MINDY3: variants seen among roughly 807,000 people sequenced by gnomAD.
MINDY3 encodes ubiquitin carboxyl-terminal hydrolase MINDY-3.
In MINDY3, 38 loss-of-function variants were observed where a neutral mutation model predicts 69.2. The ratio of observed to expected loss-of-function variants is 0.55; its 90% CI spans 0.42 to 0.72. The LOEUF (loss-of-function observed/expected upper bound fraction) is 0.72, where lower values mean the gene tolerates loss of function less well. Among genes scored for constraint, MINDY3 ranks in the 30% least tolerant of loss-of-function variants. The pLI, the probability that MINDY3 is intolerant of heterozygous loss-of-function variation, is 0.00. For missense variants in MINDY3, 522 were observed against 519.0 expected (o/e 1.01, Z -0.06); for synonymous variants, 192 against 180.1 (o/e 1.07, Z -0.53).
chr10:15,824,731 T>C (rs780010426), intron 8 of MINDY3, among the ~76,000 whole-genome samples: 5 of 152,312 alleles, frequency 3.3e-5, no homozygotes, highest in Admixed American at 1.3e-4. Flanking sequence ...TACAATTAGA[T>C]ACTACATCAT....
chr10:15,846,266 T>G (rs1290900468), intron 2 of MINDY3, among the ~76,000 whole-genome samples: 2 of 152,228 alleles, frequency 1.3e-5, no homozygotes, highest in African/African-American at 4.8e-5. Context: ...AGGAAACTCC[T>G]GTGGTATACC....
At chr10:15,838,999 C>T (rs114700410) in intron 4 of MINDY3, among the ~76,000 whole-genome samples, 2,221 of 151,676 alleles carry the variant, frequency 0.015, 59 homozygotes, top group African/African-American at 0.05. Flanking sequence ...ACAGAAAAAT[C>T]CTCTCAAGAG....
intron 14 of MINDY3, 32 bp from the exon 15 acceptor site, chr10:15,779,173 G>A: frequency 1.3e-6 from 2 of 1,598,600 alleles, no homozygotes; most frequent in South Asian, 2.3e-5. Context: ...CCAAGGTCAA[G>A]CAACAGTCTT....
chr10:15,819,235 CA>C (rs2131991185), intron 9 of MINDY3, among the ~76,000 whole-genome samples: 1 of 152,278 alleles, frequency 6.6e-6, no homozygotes, highest in South Asian at 2.1e-4. Flanking sequence ...AAAATTAACA[CA>C]AGCTCAATGA....
chr10:15,807,561 A>AT (rs1330048591), intron 10 of MINDY3, among the ~76,000 whole-genome samples: 1 of 152,024 alleles, frequency 6.6e-6, no homozygotes, highest in Non-Finnish European at 1.5e-5. Context: ...ACTGGCTATG[A>AT]TTTTTTTCTA....
chr10:15,837,465 T>A, intron 5 of MINDY3, 147 bp from the exon 6 acceptor site: 1 of 1,322,292 alleles, frequency 7.6e-7, no homozygotes, highest in Non-Finnish European at 1.0e-6. Flanking sequence ...TCATTACAAA[T>A]TTAGCCACTA....
At position 15,793,578 on chromosome 10, in the gene MINDY3, A is replaced by C. The variant is rs1837578858; in HGVS notation, c.955+2522T>G. Among the ~76,000 whole-genome samples, 3 of 152,138 alleles carry C rather than the reference A, an allele frequency of 2.0e-5. No individual in the cohort carries two copies. In the South Asian group the frequency reaches 6.2e-4, roughly 32 times the overall value. On this transcript the variant is annotated intron_variant, in intron 11 of 14. Coordinates refer to ENST00000277632, the MANE Select transcript of MINDY3 (RefSeq NM_024948.4). The stretch of plus-strand genomic sequence containing the variant: ...GTAAACTTAAATTTAGAAAGGTTAA[A>C]AAGTACCTTTTTATGACTTTAGCCT...
intron 8 of MINDY3, among the ~76,000 whole-genome samples, chr10:15,823,903 GT>G (rs1017940767): frequency 1.1e-4 from 16 of 152,090 alleles, no homozygotes; most frequent in Non-Finnish European, 1.9e-4. Context: ...GTGTGATTTT[GT>G]CTTTTTCTTC....
rs373459366 is a variant in MINDY3, at chr10:15,805,516, G to T, written c.883-9344C>A. ...ACTGTTCAATCACCTAGTGATACAAGGTAATCGATGGTGGTAGATAATATT... is the reference window on the plus strand; with the variant it reads ...ACTGTTCAATCACCTAGTGATACAATGTAATCGATGGTGGTAGATAATATT... On this transcript the variant is annotated intron_variant, in intron 10 of 14. Transcript: ENST00000277632. 7.2e-4 allele frequency among the ~76,000 whole-genome samples: 109 copies of T among 152,212 alleles called. 4 individuals are homozygous for T. The South Asian group carries it at 0.022, about 31-fold the overall frequency.
intron 12 of MINDY3, 60 bp downstream of exon 12, chr10:15,789,187 T>C (rs1434959417): frequency 1.5e-6 from 2 of 1,356,254 alleles, no homozygotes; most frequent in Admixed American, 1.7e-5. Flanking sequence ...ATGTACAATA[T>C]GTCTTAAACT....
chr10:15,784,261 A>G (rs1365427564), intron 13 of MINDY3, among the ~76,000 whole-genome samples: 1 of 152,160 alleles, frequency 6.6e-6, no homozygotes, highest in African/African-American at 2.4e-5. Context: ...TCTTATTTAA[A>G]CGAATGGTCT....
intron 1 of MINDY3, among the ~76,000 whole-genome samples, chr10:15,858,661 A>C (rs1834865087): frequency 6.6e-6 from 1 of 152,290 alleles, no homozygotes; most frequent in South Asian, 2.1e-4. Context: ...TCTATTCCAG[A>C]CTGTGCTCTT....
At chr10:15,790,378 T>C (rs1220021904) in intron 11 of MINDY3, among the ~76,000 whole-genome samples, 1 of 152,142 alleles carries the variant, frequency 6.6e-6, no homozygotes, top group African/African-American at 2.4e-5. Flanking sequence ...AAATGTGCAA[T>C]TTTTTAAGTG....
At chr10:15,829,593 AAGCATTAGC>A (rs1421028047) in intron 8 of MINDY3, among the ~76,000 whole-genome samples, 2 of 152,222 alleles carry the variant, frequency 1.3e-5, no homozygotes, top group Non-Finnish European at 2.9e-5. Context: ...TTTAGTTGGC[AAGCATTAGC>A]AAGAGAGTCA....
intron 10 of MINDY3, among the ~76,000 whole-genome samples, chr10:15,811,324 G>A (rs1838982610): frequency 1.3e-5 from 2 of 151,846 alleles, no homozygotes; most frequent in Admixed American, 6.6e-5. Flanking sequence ...ATATTTAATC[G>A]CTGAGACCTT....
intron 13 of MINDY3, among the ~76,000 whole-genome samples, chr10:15,783,314 A>G (rs1836697670): frequency 6.6e-6 from 1 of 152,144 alleles, no homozygotes; most frequent in Non-Finnish European, 1.5e-5. Flanking sequence ...GTGACCTGCA[A>G]TCATGAGTCT....
intron 2 of MINDY3, among the ~76,000 whole-genome samples, chr10:15,843,585 C>T (rs1233560204): frequency 1.3e-5 from 2 of 152,046 alleles, no homozygotes; most frequent in Non-Finnish European, 1.5e-5. Context: ...GCTCTATTCA[C>T]AAAGTGAAAG....
intron 3 of MINDY3, 81 bp downstream of exon 3, chr10:15,843,131 A>G (rs1388974848): frequency 3.4e-6 from 4 of 1,167,102 alleles, no homozygotes; most frequent in East Asian, 4.7e-5. Flanking sequence ...TCCCACTGAT[A>G]CTTGACTTTC....
At chr10:15,809,751 T>A (rs1838872543) in intron 10 of MINDY3, among the ~76,000 whole-genome samples, 1 of 152,068 alleles carries the variant, frequency 6.6e-6, no homozygotes, top group South Asian at 2.1e-4. Context: ...TACAAAAATC[T>A]CATTTACATA....
Sources: allele counts gnomAD v4.1 joint callset (sites outside exome capture counted in the v4.1 genomes callset), GRCh38; gene constraint gnomAD v4.1.1; transcripts MANE v1.5; gene names NCBI Gene and HGNC (gene_info 2026-07-23, HGNC 2026-07-21).